The following SLC17A1 variants were observed in gnomAD, a reference collection of about 807,000 sequenced individuals.
SLC17A1 encodes the protein sodium-dependent phosphate transport protein 1.
A neutral mutation model predicts 53.5 loss-of-function variants in SLC17A1; 51 were observed. The ratio of observed to expected loss-of-function variants is 0.95; its 90% CI spans 0.76 to 1.20. The LOEUF is 1.20. SLC17A1 is among the 50% of genes most tolerant of loss of function. The pLI is 0.00. For missense variants in SLC17A1, 538 were observed against 568.2 expected, an observed-to-expected ratio of 0.95 and a Z score of 0.54; for synonymous variants, 179 against 198.8, an observed-to-expected ratio of 0.90 and a Z score of 0.84.
the SLC17A1 span, among the ~76,000 whole-genome samples, chr6:25,728,993 G>A: frequency 6.6e-6 from 1 of 152,104 alleles, no homozygotes; most frequent in East Asian, 1.9e-4. Flanking sequence ...ACCTTGTATT[G>A]GGGATGGGAT....
At chr6:25,811,797 T>A (rs763957336) in intron 8 of SLC17A1, 27 bp from the exon 9 acceptor site, 1 of 1,612,214 alleles carries the variant, frequency 6.2e-7, no homozygotes, top group Non-Finnish European at 8.5e-7. Context: ...ATTCTTGGAG[T>A]GAGTTTGATG....
intron 3 of SLC17A1, among the ~76,000 whole-genome samples, chr6:25,821,287 T>C (rs1195719754): frequency 6.6e-6 from 1 of 152,200 alleles, no homozygotes; most frequent in East Asian, 1.9e-4. Context: ...CTGTGGCCTC[T>C]AGAGTGTAAT....
chr6:25,805,630 C>G (rs1763926170), intron 10 of SLC17A1, among the ~76,000 whole-genome samples: 1 of 151,086 alleles, frequency 6.6e-6, no homozygotes, highest in Admixed American at 6.6e-5. Context: ...CTAGATTAAC[C>G]AAAAAAAGAG....
chr6:25,767,139 T>C, the SLC17A1 span, among the ~76,000 whole-genome samples: 1 of 151,678 alleles, frequency 6.6e-6, no homozygotes, highest in African/African-American at 2.4e-5. Flanking sequence ...ACCTAAAACA[T>C]TTCAGATCAC....
At chr6:25,778,762 A>T (rs527478226), downstream of SLC17A1, among the ~76,000 whole-genome samples, 1 of 152,322 alleles carries the variant, frequency 6.6e-6, no homozygotes, top group African/African-American at 2.4e-5. Flanking sequence ...ATGATCAAGG[A>T]AGGACTCACC....
At chr6:25,751,114 C>A in the SLC17A1 span, among the ~76,000 whole-genome samples, 1 of 152,178 alleles carries the variant, frequency 6.6e-6, no homozygotes, top group African/African-American at 2.4e-5. Flanking sequence ...CCTAGCATGA[C>A]ACATTGGGTG....
At chr6:25,803,554 GATATA>G (rs1234910408) in intron 10 of SLC17A1, among the ~76,000 whole-genome samples, 1 of 152,056 alleles carries the variant, frequency 6.6e-6, no homozygotes, top group Admixed American at 6.6e-5. Context: ...CTCTAGAGGA[GATATA>G]ATATCTTGAA....
Position 25,830,616 on chromosome 6 carries a change from G to GCAAA in SLC17A1, c.-50-13_-50-10dup. ...GGTTTTGCCTCCACCCACTGTGAGT[G>GCAAA]CAAAACACGTTGATGTCAGCATAAT... On this transcript the variant is annotated splice_polypyrimidine_tract_variant and intron_variant, in intron 1 of 12. Transcript: ENST00000244527. 1 of 1,600,188 alleles carries GCAAA rather than the reference G, an allele frequency of 6.2e-7. No homozygotes were observed. Among genetic ancestry groups the GCAAA allele is most frequent in the South Asian group, 1.1e-5 (1 of 90,688 alleles).
the SLC17A1 span, chr6:25,770,501 T>G: frequency 6.2e-7 from 1 of 1,600,986 alleles, no homozygotes; most frequent in South Asian, 1.1e-5. Context: ...TCACTTTACA[T>G]GCACTGTCCA....
At chr6:25,828,197 G>T (rs906791375) in intron 2 of SLC17A1, among the ~76,000 whole-genome samples, 2 of 152,122 alleles carry the variant, frequency 1.3e-5, no homozygotes, top group African/African-American at 4.8e-5. Flanking sequence ...GATCCATAAA[G>T]GTTCTGAAGT....
At chr6:25,780,731 G>C (rs1390224948), downstream of SLC17A1, 2 of 152,188 alleles carry the variant, frequency 1.3e-5, no homozygotes, top group African/African-American at 4.8e-5. Flanking sequence ...TTACAGTGTA[G>C]TCCAGGAGAG....
the SLC17A1 span, among the ~76,000 whole-genome samples, chr6:25,775,858 C>A: frequency 4.6e-5 from 7 of 152,144 alleles, no homozygotes; most frequent in African/African-American, 1.2e-4. Context: ...TGCTTATATA[C>A]TAGGTTTTTG....
chr6:25,787,757 T>C (rs2151474027), intron 12 of SLC17A1, among the ~76,000 whole-genome samples: 1 of 152,326 alleles, frequency 6.6e-6, no homozygotes, highest in South Asian at 2.1e-4. Context: ...GACCCCACAG[T>C]GAGCTGGCTC....
chr6:25,757,672 T>C, the SLC17A1 span, among the ~76,000 whole-genome samples: 2 of 152,128 alleles, frequency 1.3e-5, no homozygotes, highest in African/African-American at 4.8e-5. Context: ...GCTTCTGATC[T>C]TTCCAGGGCT....
rs186903422 is a variant in SLC17A1, at chr6:25,798,045, G to T, written c.*2+738C>A. Among the ~76,000 whole-genome samples, 27 of 152,292 alleles carry T rather than the reference G, an allele frequency of 1.8e-4. 1 individual carries two copies. The East Asian group carries it at 5.2e-3, about 29-fold the overall frequency. On this transcript the variant is annotated intron_variant, in intron 12 of 12. Coordinates refer to ENST00000244527, the MANE Select transcript of SLC17A1 (RefSeq NM_005074.5). The stretch of plus-strand genomic sequence containing the variant: ...AGATTCAGTTTGATTTTCTTAGCAA[G>T]ATATTAGTGGTGGTGTGTTGTTTCA...
intron 10 of SLC17A1, among the ~76,000 whole-genome samples, chr6:25,803,469 C>T (rs1364038539): frequency 2.6e-5 from 4 of 152,118 alleles, no homozygotes; most frequent in Admixed American, 2.6e-4. Context: ...ACTAACCCCA[C>T]AAGGTACAAT....
At chr6:25,754,190 C>T in the SLC17A1 span, among the ~76,000 whole-genome samples, 1 of 151,976 alleles carries the variant, frequency 6.6e-6, no homozygotes, top group African/African-American at 2.4e-5. Context: ...AACCAGAATG[C>T]AAATATGTAT....
At chr6:25,749,292 C>T in the SLC17A1 span, among the ~76,000 whole-genome samples, 9 of 152,222 alleles carry the variant, frequency 5.9e-5, no homozygotes, top group Admixed American at 2.6e-4. Context: ...CCTGCACAGC[C>T]CTAGATCCCT....
At chr6:25,774,675 T>C in the SLC17A1 span, among the ~76,000 whole-genome samples, 1 of 152,160 alleles carries the variant, frequency 6.6e-6, no homozygotes, top group Non-Finnish European at 1.5e-5. Flanking sequence ...GAATGATTTG[T>C]CTTTGGTGTG....
Sources: allele counts gnomAD v4.1 joint callset (sites outside exome capture counted in the v4.1 genomes callset), GRCh38; gene constraint gnomAD v4.1.1; transcripts MANE v1.5; gene names NCBI Gene and HGNC (gene_info 2026-07-23, HGNC 2026-07-21).